ACSS2: variants seen among roughly 807,000 people sequenced by gnomAD.
ACSS2 encodes the protein acetyl-coenzyme A synthetase, cytoplasmic.
ACSS2 carries 58 observed loss-of-function variants against 90.6 expected under a neutral mutation model. The ratio of observed to expected loss-of-function variants is 0.64; its 90% CI spans 0.52 to 0.80. ACSS2 has a LOEUF of 0.80. Among genes scored for constraint, ACSS2 ranks in the 30% least tolerant of loss-of-function variants. ACSS2 has a pLI of 0.00. For synonymous variants in ACSS2, 300 were observed against 330.9 expected, an observed-to-expected ratio of 0.91 and a Z score of 1.01; for missense variants, 759 against 912.0, an observed-to-expected ratio of 0.83 and a Z score of 2.16.
At chr20:34,899,325 C>T (rs1568976878) in intron 2 of ACSS2, among the ~76,000 whole-genome samples, 2 of 152,246 alleles carry the variant, frequency 1.3e-5, no homozygotes, top group African/African-American at 4.8e-5. Context: ...GCGCCGAGAG[C>T]GAGCAAGGGC....
intron 2 of ACSS2, among the ~76,000 whole-genome samples, chr20:34,889,558 C>G (rs887891254): frequency 9.2e-5 from 14 of 151,968 alleles, no homozygotes; most frequent in African/African-American, 3.1e-4. Context: ...CCCACCCACA[C>G]CACTAGACAA....
intron 2 of ACSS2, among the ~76,000 whole-genome samples, chr20:34,906,389 T>G (rs1049726474): frequency 6.6e-6 from 1 of 150,654 alleles, no homozygotes; most frequent in Admixed American, 6.6e-5. Flanking sequence ...GATTTTGCAG[T>G]AGGCCAATAC....
chr20:34,920,613 A>T lies in ACSS2; in HGVS notation c.1047A>T (p.Ala349=). The T allele has an allele frequency of 1.9e-6, 3 of 1,614,206 alleles. No homozygotes were observed. Among genetic ancestry groups the T allele is most frequent in the Non-Finnish European group, 2.5e-6 (3 of 1,180,030 alleles). The change falls in exon 9 of 18, where the codon GCA becomes GCT. Residue 349 remains alanine, a synonymous_variant. Coordinates refer to ENST00000360596, the MANE Select transcript of ACSS2 (RefSeq NM_018677.4). ...TTFKYVFDFH[A]EDVFWCTADI... is the part of the protein sequence containing the mutation. The stretch of plus-strand genomic sequence containing the variant: ...TCAAGTATGTGTTTGACTTCCATGC[A>T]GAGGATGTGTTCTGGTGCACGGCAG...
chr20:34,909,815 C>T lies in ACSS2; in HGVS notation c.375-3281C>T, dbSNP rs998385437. 3.3e-5 allele frequency among the ~76,000 whole-genome samples: 5 copies of T among 151,154 alleles called. No homozygotes were observed. The East Asian group carries it at 9.8e-4, about 29-fold the overall frequency. ...CGCTGTAGCCTTCACCTTCTGGGTTCAAATGATCCTCCCGCCTTAGCCTCC... is the reference window on the plus strand; with the variant it reads ...CGCTGTAGCCTTCACCTTCTGGGTTTAAATGATCCTCCCGCCTTAGCCTCC... On this transcript the variant is annotated intron_variant, in intron 2 of 17. Transcript: ENST00000360596.
chr20:34,910,684 G>T (rs2080930846), intron 2 of ACSS2, among the ~76,000 whole-genome samples: 1 of 152,162 alleles, frequency 6.6e-6, no homozygotes, highest in Non-Finnish European at 1.5e-5. Flanking sequence ...CCAAACTGTG[G>T]TTTGCCAGTA....
chr20:34,908,937 C>A, intron 2 of ACSS2: 1 of 445,204 alleles, frequency 2.2e-6, no homozygotes, highest in Non-Finnish European at 4.5e-6. Context: ...TACAGATATA[C>A]TTGCAGGTGA....
intron 2 of ACSS2, among the ~76,000 whole-genome samples, chr20:34,903,485 AAGATACAGATTTTTG>A (rs2080720844): frequency 6.6e-6 from 1 of 152,182 alleles, no homozygotes; most frequent in African/African-American, 2.4e-5. Flanking sequence ...GGAGACAATG[AAGATACAGATTTTTG>A]AGACTTGCTA....
chr20:34,926,960 A>G lies in ACSS2; in HGVS notation c.1978+9A>G, dbSNP rs769731296. 4 of 1,614,160 alleles carry G rather than the reference A, an allele frequency of 2.5e-6. No individual in the cohort carries two copies. The highest frequency in any genetic ancestry group is 3.4e-6 in the Non-Finnish European group (4 of 1,180,028). On this transcript the variant is annotated intron_variant, in intron 17 of 17. Transcript: ENST00000360596. ...GCCTAAAACCCGCTCAGGTATGTTC[A>G]GAGGCCTCCATGGATTGGGATGGGC...
In ACSS2 at chr20:34,914,118, G is replaced by A; in HGVS notation, c.666G>A (p.Lys222=). 1 of 1,614,188 alleles carries A rather than the reference G, an allele frequency of 6.2e-7. No homozygotes were observed. Among genetic ancestry groups the A allele is most frequent in the Non-Finnish European group, 8.5e-7 (1 of 1,180,018 alleles). Residue 222 remains lysine, a synonymous_variant, in exon 6 of 18, where the codon AAG becomes AAA. Coordinates refer to ENST00000360596, the MANE Select transcript of ACSS2 (RefSeq NM_018677.4). ...ITTDAFYRGE[K]LVNLKELADE... ...AAGATGCCTTCTACAGGGGGGAAAA[G>A]CTTGTGAACCTGAAGGAGCTGGCTG...
intron 1 of ACSS2, among the ~76,000 whole-genome samples, chr20:34,880,277 C>T (rs2080039166): frequency 6.6e-6 from 1 of 152,038 alleles, no homozygotes; most frequent in Non-Finnish European, 1.5e-5. Context: ...GGCGTGGTGG[C>T]CCACACCTAT....
intron 16 of ACSS2, 116 bp downstream of exon 16, chr20:34,926,397 G>T: frequency 8.2e-7 from 1 of 1,222,454 alleles, no homozygotes; most frequent in Non-Finnish European, 1.1e-6. Flanking sequence ...ACAGATTCCA[G>T]GGGGCCCCAT....
chr20:34,920,380 A>T (rs371351004), intron 8 of ACSS2, among the ~76,000 whole-genome samples, 159 bp from the exon 9 acceptor site: 1 of 152,208 alleles, frequency 6.6e-6, no homozygotes, highest in East Asian at 1.9e-4. Flanking sequence ...AGATGGGAGC[A>T]TGGAGAAAAG....
chr20:34,892,359 G>T (rs1480223439), intron 2 of ACSS2, among the ~76,000 whole-genome samples: 1 of 152,172 alleles, frequency 6.6e-6, no homozygotes, highest in African/African-American at 2.4e-5. Context: ...ATGATCCCCG[G>T]TGTCTCACAT....
upstream of ACSS2, among the ~76,000 whole-genome samples, chr20:34,875,657 G>C (rs558083802): frequency 2.0e-5 from 3 of 152,328 alleles, no homozygotes; most frequent in Admixed American, 6.5e-5. Context: ...TTAGCTTCAA[G>C]CCTGACGAGG....
chr20:34,903,705 G>C (rs1404215793), intron 2 of ACSS2, among the ~76,000 whole-genome samples: 2 of 151,782 alleles, frequency 1.3e-5, no homozygotes, highest in Non-Finnish European at 2.9e-5. Flanking sequence ...TGTAGTTCTA[G>C]GGAATTAAAA....
At chr20:34,892,803 C>T (rs2080366077) in intron 2 of ACSS2, among the ~76,000 whole-genome samples, 1 of 152,128 alleles carries the variant, frequency 6.6e-6, no homozygotes, top group African/African-American at 2.4e-5. Context: ...GCTTCTCCAC[C>T]CTGTTACTGT....
At chr20:34,887,507 A>G (rs148155260) in intron 2 of ACSS2, among the ~76,000 whole-genome samples, 2,985 of 152,346 alleles carry the variant, frequency 0.02, 53 homozygotes, top group Middle Eastern at 0.031. Context: ...TGGGAAGCCA[A>G]GGCAGGTGGA....
intron 2 of ACSS2, among the ~76,000 whole-genome samples, chr20:34,904,834 A>T (rs903368560): frequency 4.6e-5 from 7 of 151,888 alleles, no homozygotes; most frequent in African/African-American, 1.7e-4. Context: ...GGTTTATACC[A>T]AGGGTTCCCC....
chr20:34,923,817 C>G (rs932440712), intron 14 of ACSS2, among the ~76,000 whole-genome samples: 6 of 148,250 alleles, frequency 4.0e-5, no homozygotes, highest in Middle Eastern at 3.2e-3. Context: ...CCGCCCCCCC[C>G]ACCTCCCCGG....
Sources: gnomAD v4.1 joint callset for allele counts (sites outside exome capture counted in the v4.1 genomes callset) on GRCh38, gnomAD v4.1.1 for gene constraint, MANE v1.5 for transcripts, NCBI Gene and HGNC (gene_info 2026-07-23, HGNC 2026-07-21) for gene names.